USP9Y: variants seen among roughly 807,000 people sequenced by gnomAD.
The protein encoded by USP9Y is ubiquitin carboxyl-terminal hydrolase 9Y.
Under a neutral mutation model 53.1 loss-of-function variants are expected in USP9Y, and 41 were observed. The ratio of observed to expected loss-of-function variants is 0.77; its 90% confidence interval spans 0.60 to 1.00. USP9Y has a LOEUF of 1.00. Ranked by LOEUF, USP9Y falls within the 50% of genes least tolerant of loss-of-function variation. The pLI is 0.00. For missense variants in USP9Y, 567 were observed against 535.8 expected (o/e 1.06, Z -0.58); for synonymous variants, 220 against 173.7 (o/e 1.27, Z -2.09).
intron 33 of USP9Y, among the ~76,000 whole-genome samples, chrY:12,822,991 G>T (rs2053543433): frequency 3.1e-5 from 1 of 32,245 alleles, no homozygotes; most frequent in Non-Finnish European, 7.6e-5. Context: ...TCAGCCTACC[G>T]AGTAGCTGGG....
intron 7 of USP9Y, among the ~76,000 whole-genome samples, chrY:12,727,625 C>A (rs2053443851): frequency 3.2e-5 from 1 of 31,680 alleles, no homozygotes; most frequent in African/African-American, 1.2e-4. Context: ...TAATATTTAG[C>A]GCATGAAAAA....
chrY:12,852,689 G>T, intron 42 of USP9Y, among the ~76,000 whole-genome samples: 1 of 33,246 alleles, frequency 3.0e-5, no homozygotes, highest in Non-Finnish European at 7.4e-5. Flanking sequence ...GTGACCTACA[G>T]ATGGGGTGTT....
At chrY:12,712,096 C>T (rs939420294) in intron 3 of USP9Y, among the ~76,000 whole-genome samples, 3 of 33,537 alleles carry the variant, frequency 8.9e-5, no homozygotes, top group African/African-American at 3.5e-4. Context: ...TTTATGGCCA[C>T]TGGGCGGGTT....
At chrY:12,763,718 G>A in intron 15 of USP9Y, among the ~76,000 whole-genome samples, 1 of 21,001 alleles carries the variant, frequency 4.8e-5, no homozygotes, top group Non-Finnish European at 1.0e-4. Context: ...TCTGACCCAG[G>A]CTGCAGTGCA....
chrY:12,840,582 C>A lies in USP9Y; in HGVS notation c.6056C>A (p.Thr2019Lys). The change falls in exon 36 of 46, where the codon ACA becomes AAA. Residue 2019 changes from threonine (T) to lysine (K), a missense_variant. Transcript: ENST00000338981. ...EYFQFVKKLLTCNGVYLNPAP... is the reference protein window; with the variant it reads ...EYFQFVKKLLKCNGVYLNPAP... ...TTTCAGTTTGTGAAAAAACTGCTTA[C>A]ATGTAATGGTGTTTATTTAAACCCT... 2.5e-6 allele frequency: 1 copy of A among 396,297 alleles called. No homozygotes were observed. The highest frequency in any genetic ancestry group is 3.5e-6 in the Non-Finnish European group (1 of 283,018).
chrY:12,801,475 A>G (rs2053519258), intron 27 of USP9Y, among the ~76,000 whole-genome samples: 1 of 33,915 alleles, frequency 2.9e-5, no homozygotes, highest in Admixed American at 2.7e-4. Context: ...TCTGTCTCTG[A>G]GGTATTTTGT....
chrY:12,859,326 C>T lies in USP9Y; in HGVS notation c.7578C>T (p.His2526=). 2.5e-6 allele frequency: 1 copy of T among 398,149 alleles called. No homozygotes were observed. Among genetic ancestry groups the T allele is most frequent in the Non-Finnish European group, 3.5e-6 (1 of 283,202 alleles). ...CATATACAGGACCAGCAGCACATCA[C>T]TTGAACAACCCTCAGAAAACAGGCC... ...GQPYTGPAAH[H]LNNPQKTGQR... is the part of the protein sequence containing the mutation. Residue 2526 remains histidine (H), a synonymous_variant, in exon 46 of 46, where the codon CAC becomes CAT. Transcript: ENST00000338981.
chrY:12,801,747 T>G, intron 27 of USP9Y, among the ~76,000 whole-genome samples: 1 of 33,968 alleles, frequency 2.9e-5, no homozygotes, highest in Non-Finnish European at 7.3e-5. Flanking sequence ...GTGCATAAAA[T>G]AATGACATTT....
intron 24 of USP9Y, among the ~76,000 whole-genome samples, chrY:12,789,001 T>A (rs2053504558): frequency 3.0e-5 from 1 of 33,095 alleles, no homozygotes; most frequent in Non-Finnish European, 7.4e-5. Context: ...ATTACAGGCA[T>A]GAGCCACCAC....
chrY:12,741,867 T>C, intron 12 of USP9Y, among the ~76,000 whole-genome samples: 1 of 33,930 alleles, frequency 2.9e-5, no homozygotes, highest in African/African-American at 1.1e-4. Flanking sequence ...TTCTATCTTT[T>C]AATCACTCCT....
intron 44 of USP9Y, 56 bp downstream of exon 44, chrY:12,856,901 T>C (rs756186818): frequency 9.4e-4 from 271 of 288,900 alleles, no homozygotes; most frequent in Non-Finnish European, 1.3e-3. Flanking sequence ...AAAAGAAAAG[T>C]ATTTTTTTAA....
At chrY:12,818,395 A>G in intron 32 of USP9Y, 25 bp from the exon 33 acceptor site, 3 of 377,116 alleles carry the variant, frequency 8.0e-6, no homozygotes, top group Non-Finnish European at 1.1e-5. Flanking sequence ...AGATTAGCTC[A>G]TCAATAATGT....
intron 13 of USP9Y, among the ~76,000 whole-genome samples, chrY:12,757,768 C>G (rs2053470655): frequency 3.0e-5 from 1 of 33,501 alleles, no homozygotes; most frequent in Non-Finnish European, 7.4e-5. Context: ...TTACAGGCGT[C>G]AGCCACCGCA....
chrY:12,829,944 T>C (rs2053549612), intron 33 of USP9Y, among the ~76,000 whole-genome samples: 2 of 32,907 alleles, frequency 6.1e-5, no homozygotes, highest in African/African-American at 2.4e-4. Context: ...TTTGGGAAAC[T>C]GCCAGTTTCT....
chrY:12,802,782 C>T (rs2053520595), intron 27 of USP9Y: 1 of 19,138 alleles, frequency 5.2e-5, no homozygotes, highest in Non-Finnish European at 1.2e-4. Context: ...GAGTTTCACT[C>T]TTGTTTCCCA....
intron 31 of USP9Y, 91 bp from the exon 32 acceptor site, chrY:12,816,033 G>A: frequency 3.7e-6 from 1 of 270,395 alleles, no homozygotes; most frequent in Non-Finnish European, 5.8e-6. Flanking sequence ...GGTGGTGAAG[G>A]AGGTGTTGCT....
chrY:12,742,763 A>C, intron 12 of USP9Y, among the ~76,000 whole-genome samples: 2 of 33,616 alleles, frequency 5.9e-5, no homozygotes, highest in African/African-American at 2.3e-4. Context: ...AAAATCCCAT[A>C]TATTCTTTAC....
chrY:12,801,681 G>A, intron 27 of USP9Y, among the ~76,000 whole-genome samples: 1 of 33,931 alleles, frequency 2.9e-5, no homozygotes, highest in Admixed American at 2.6e-4. Context: ...ATAAAAATTA[G>A]AGCTTCCAAG....
At chrY:12,763,582 G>A in intron 15 of USP9Y, among the ~76,000 whole-genome samples, 2 of 30,456 alleles carry the variant, frequency 6.6e-5, no homozygotes, top group Non-Finnish European at 1.6e-4. Context: ...CTCTTCACAA[G>A]TGTCACTCAG....
Sources: allele counts gnomAD v4.1 joint callset (sites outside exome capture counted in the v4.1 genomes callset), GRCh38; gene constraint gnomAD v4.1.1; transcripts MANE v1.5; gene names NCBI Gene and HGNC (gene_info 2026-07-23, HGNC 2026-07-21).